Variants in FBXL7 observed in about 807,000 individuals in gnomAD.
The protein encoded by FBXL7 is F-box and leucine rich repeat protein 7, also known as F-box/LRR-repeat protein 7.
A neutral mutation model predicts 38.3 loss-of-function variants in FBXL7; 12 were observed. The observed-to-expected ratio is 0.31, with a 90% CI of 0.20 to 0.51. The LOEUF is 0.51. FBXL7 is among the 20% of genes least tolerant of loss of function. The pLI, the probability that FBXL7 is intolerant of heterozygous loss-of-function variation, is 0.98. For synonymous variants in FBXL7, 297 were observed against 300.9 expected, an observed-to-expected ratio of 0.99 and a Z score of 0.13; for missense variants, 567 against 676.4, an observed-to-expected ratio of 0.84 and a Z score of 1.79.
Position 15,782,034 on chromosome 5 carries a change from G to A in FBXL7, c.128-145856G>A, listed in dbSNP as rs553016651. Among the ~76,000 whole-genome samples, 79 of 152,020 alleles carry A rather than the reference G, an allele frequency of 5.2e-4. No individual in the cohort carries two copies. The South Asian group carries it at 0.01, about 20-fold the overall frequency. ...GTATGATGTTCCCCTTCCTGTGCCCGTATGTTCTCTTTGTTAAACTCCCAC... is the reference window on the plus strand; with the variant it reads ...GTATGATGTTCCCCTTCCTGTGCCCATATGTTCTCTTTGTTAAACTCCCAC... On this transcript the variant is annotated intron_variant, in intron 2 of 3. Coordinates refer to ENST00000504595, the MANE Select transcript of FBXL7 (RefSeq NM_012304.5).
chr5:15,510,458 G>A (rs1736764566), intron 1 of FBXL7, among the ~76,000 whole-genome samples: 1 of 152,052 alleles, frequency 6.6e-6, no homozygotes, highest in Non-Finnish European at 1.5e-5. Flanking sequence ...GAAGCATCTT[G>A]GTTAAGTCCA....
chr5:15,860,547 C>T (rs972774498), intron 2 of FBXL7, among the ~76,000 whole-genome samples: 4 of 152,136 alleles, frequency 2.6e-5, no homozygotes, highest in South Asian at 2.1e-4. Context: ...ATTTTAGTTT[C>T]GGATAAGCTT....
intron 2 of FBXL7, among the ~76,000 whole-genome samples, chr5:15,762,481 G>T (rs536545893): frequency 2.0e-5 from 3 of 152,230 alleles, no homozygotes; most frequent in African/African-American, 7.2e-5. Context: ...TCCAGTCTAG[G>T]TTTTTAATTT....
At chr5:15,889,238 A>T (rs1249906413) in intron 2 of FBXL7, among the ~76,000 whole-genome samples, 4 of 152,224 alleles carry the variant, frequency 2.6e-5, no homozygotes. Context: ...CAGTGGTTAA[A>T]GATTCACAGG....
intron 2 of FBXL7, among the ~76,000 whole-genome samples, chr5:15,647,900 G>A (rs1287325881): frequency 6.6e-6 from 1 of 152,224 alleles, no homozygotes; most frequent in Non-Finnish European, 1.5e-5. Flanking sequence ...ACCAGAATTT[G>A]AAACTGGAAC....
chr5:15,937,453 C>A lies in FBXL7; in HGVS notation c.*267C>A. The A allele has an allele frequency of 2.3e-6, 1 of 430,666 alleles. No homozygotes were observed. Among genetic ancestry groups the A allele is most frequent in the East Asian group, 4.4e-5 (1 of 22,802 alleles). The allele number at this position is 430,666 out of a possible 1,614,324, so 26.7% of individuals were successfully genotyped here. ...AAAAGATGTACTTAAGCAGGCTGAT[C>A]GCTGTTCCTTGAGCAAGGCGCTTAC... On this transcript the variant is annotated 3_prime_UTR_variant, in exon 4 of 4. Transcript: ENST00000504595.
chr5:15,589,322 CG>C (rs1417448827), intron 1 of FBXL7, among the ~76,000 whole-genome samples: 2 of 151,964 alleles, frequency 1.3e-5, no homozygotes, highest in African/African-American at 4.8e-5. Context: ...GATTGAATCT[CG>C]GGGGTGGATT....
At chr5:15,579,588 T>C (rs1461993913) in intron 1 of FBXL7, among the ~76,000 whole-genome samples, 3 of 152,234 alleles carry the variant, frequency 2.0e-5, no homozygotes, top group Admixed American at 6.5e-5. Flanking sequence ...TGTGGCAGCA[T>C]GTTCTAGTTA....
intron 2 of FBXL7, among the ~76,000 whole-genome samples, chr5:15,753,182 T>C (rs1736200700): frequency 6.6e-6 from 1 of 152,036 alleles, no homozygotes; most frequent in African/African-American, 2.4e-5. Flanking sequence ...CACTCTCTCT[T>C]TTTTTCCCCG....
intron 2 of FBXL7, among the ~76,000 whole-genome samples, chr5:15,714,637 G>A (rs1157758220): frequency 4.0e-5 from 6 of 151,892 alleles, no homozygotes; most frequent in East Asian, 1.9e-4. Context: ...GGTGGATCAC[G>A]AGGTCAGGAG....
chr5:15,622,197 T>C (rs374378995), intron 2 of FBXL7, among the ~76,000 whole-genome samples: 3 of 152,140 alleles, frequency 2.0e-5, no homozygotes, highest in East Asian at 3.9e-4. Flanking sequence ...AAATACTGAT[T>C]AAATGTGAAA....
chr5:15,506,313 C>A (rs939713229), intron 1 of FBXL7, among the ~76,000 whole-genome samples: 4 of 151,896 alleles, frequency 2.6e-5, no homozygotes. Context: ...GACTCCAGGG[C>A]AGGAAGTGTC....
rs553372116 is a variant in FBXL7, at chr5:15,686,145, G to C, written c.127+70073G>C. Among the ~76,000 whole-genome samples the C allele has an allele frequency of 2.0e-4, 30 of 152,260 alleles. No individual in the cohort carries two copies. In the South Asian group the frequency reaches 6.2e-3, roughly 32 times the overall value. ...TGCTAGTTCCAAATGCATCCAGTTA[G>C]CTGTCTGGATAACTTTGTTTACTAT... On this transcript the variant is annotated intron_variant, in intron 2 of 3. Transcript: ENST00000504595.
rs184063187 is a variant in FBXL7, at chr5:15,707,329, C to T, written c.127+91257C>T. ...TTCTAGACTACACATATATCCTATT[C>T]TTTCTGTGCACACATCTTGTTATAG... On this transcript the variant is annotated intron_variant, in intron 2 of 3. Transcript: ENST00000504595. Among the ~76,000 whole-genome samples, 285 of 152,104 alleles carry T rather than the reference C, an allele frequency of 1.9e-3. 2 individuals are homozygous for T. Among genetic ancestry groups the T allele is most frequent in the African/African-American group, 6.7e-3 (277 of 41,504 alleles).
At chr5:15,686,993 T>A (rs1474557177) in intron 2 of FBXL7, among the ~76,000 whole-genome samples, 3 of 152,202 alleles carry the variant, frequency 2.0e-5, no homozygotes, top group Non-Finnish European at 4.4e-5. Flanking sequence ...AACATCTATG[T>A]AGTGTTTCAA....
intron 2 of FBXL7, among the ~76,000 whole-genome samples, chr5:15,812,469 G>A (rs777952538): frequency 4.6e-5 from 7 of 151,920 alleles, no homozygotes; most frequent in South Asian, 2.1e-4. Flanking sequence ...ACGAACCTGC[G>A]CATTCTGCAC....
intron 2 of FBXL7, among the ~76,000 whole-genome samples, chr5:15,621,326 A>G (rs1342823375): frequency 6.6e-6 from 1 of 152,026 alleles, no homozygotes; most frequent in East Asian, 1.9e-4. Context: ...GAAATTTTCC[A>G]TTTTTTCCCA....
At chr5:15,567,851 G>A (rs895855227) in intron 1 of FBXL7, among the ~76,000 whole-genome samples, 2 of 151,846 alleles carry the variant, frequency 1.3e-5, no homozygotes, top group Admixed American at 6.6e-5. Flanking sequence ...ACAGTGTTTG[G>A]TTTTTTGTCC....
intron 2 of FBXL7, among the ~76,000 whole-genome samples, chr5:15,899,954 G>C (rs537274726): frequency 1.1e-4 from 17 of 152,194 alleles, no homozygotes; most frequent in Middle Eastern, 6.8e-3. Context: ...CCCTGGTACT[G>C]AGAATTAGTA....
Sources: gnomAD v4.1 joint callset for allele counts (sites outside exome capture counted in the v4.1 genomes callset) on GRCh38, gnomAD v4.1.1 for gene constraint, MANE v1.5 for transcripts, NCBI Gene and HGNC (gene_info 2026-07-23, HGNC 2026-07-21) for gene names.